Variants in WDR27 observed in about 807,000 individuals in gnomAD.
The protein encoded by WDR27 is WD repeat-containing protein 27.
In WDR27, 100 loss-of-function variants were observed where a neutral mutation model predicts 114.4. The ratio of observed to expected loss-of-function variants is 0.87; its 90% CI spans 0.74 to 1.03. The LOEUF (loss-of-function observed/expected upper bound fraction) is 1.03. Among genes scored for constraint, WDR27 ranks in the 50% least tolerant of loss-of-function variants. The pLI, the probability that WDR27 is intolerant of heterozygous loss-of-function variation, is 0.00. For synonymous variants in WDR27, 449 were observed against 423.1 expected (o/e 1.06, Z -0.75); for missense variants, 1,129 against 1,092.9 (o/e 1.03, Z -0.47).
At chr6:169,482,007 G>C (rs1198493735) in intron 25 of WDR27, among the ~76,000 whole-genome samples, 1 of 152,168 alleles carries the variant, frequency 6.6e-6, no homozygotes, top group African/African-American at 2.4e-5. Flanking sequence ...TATGTGCCAT[G>C]AGTTCTCATC....
the WDR27 span, among the ~76,000 whole-genome samples, chr6:169,433,075 G>GT: frequency 6.6e-6 from 1 of 152,068 alleles, no homozygotes; most frequent in East Asian, 1.9e-4. Flanking sequence ...TATGTTTTTT[G>GT]TTTTTTTGTT....
rs145362350 is a variant in WDR27, at chr6:169,503,045, G to A, written c.2646-45411C>T. On this transcript the variant is annotated intron_variant, in intron 25 of 25. Transcript: ENST00000448612. ...ACCATCACATTTCATGAGACTCTGC[G>A]GAGTACATGGACCACAAGACATCTG... Among the ~76,000 whole-genome samples, 684 of 152,238 alleles carry A rather than the reference G, an allele frequency of 4.5e-3. 3 individuals are homozygous for A. The highest frequency in any genetic ancestry group is 7.9e-3 in the Non-Finnish European group (535 of 68,022).
intron 25 of WDR27, among the ~76,000 whole-genome samples, chr6:169,519,482 T>C (rs2128061744): frequency 6.6e-6 from 1 of 152,248 alleles, no homozygotes; most frequent in Non-Finnish European, 1.5e-5. Flanking sequence ...AAGCAGGAGC[T>C]GGCACATTAT....
In WDR27 at chr6:169,548,777, G is replaced by A. The variant is rs894311091; in HGVS notation, c.2645+23642C>T. Among the ~76,000 whole-genome samples, 15 of 152,098 alleles carry A rather than the reference G, an allele frequency of 9.9e-5. 1 individual carries two copies. Among genetic ancestry groups the A allele is most frequent in the African/African-American group, 3.1e-4 (13 of 41,416 alleles). Reference sequence around the variant, plus strand: ...ATACAGCCAACAGATCTTTGACAGAGGAGCAAAGACAATACAATGAAGAAA... The same window carrying A: ...ATACAGCCAACAGATCTTTGACAGAAGAGCAAAGACAATACAATGAAGAAA... On this transcript the variant is annotated intron_variant, in intron 25 of 25. Transcript: ENST00000448612.
intron 25 of WDR27, among the ~76,000 whole-genome samples, chr6:169,562,191 AACACG>A (rs1406939575): frequency 6.6e-6 from 1 of 152,200 alleles, no homozygotes; most frequent in African/African-American, 2.4e-5. Flanking sequence ...ACACCTAACC[AACACG>A]ACACGTTTCT....
intron 2 of WDR27, among the ~76,000 whole-genome samples, chr6:169,677,510 A>G (rs1780371425): frequency 6.6e-6 from 1 of 152,262 alleles, no homozygotes; most frequent in Non-Finnish European, 1.5e-5. Flanking sequence ...AGGAAAGCAG[A>G]GCATAAAAGT....
At chr6:169,480,297 G>A (rs963130632) in intron 25 of WDR27, among the ~76,000 whole-genome samples, 3 of 152,204 alleles carry the variant, frequency 2.0e-5, no homozygotes, top group African/African-American at 7.2e-5. Flanking sequence ...GGGACCTGCA[G>A]CCTGACATGC....
At chr6:169,681,162 A>C (rs1781427220) in intron 2 of WDR27, among the ~76,000 whole-genome samples, 1 of 152,244 alleles carries the variant, frequency 6.6e-6, no homozygotes, top group Non-Finnish European at 1.5e-5. Flanking sequence ...GAATGCATAA[A>C]GTATAGTATA....
At position 169,668,154 on chromosome 6, in the gene WDR27, G is replaced by C. The variant is rs767634574; in HGVS notation, c.488C>G (p.Pro163Arg). The C allele has an allele frequency of 1.2e-6, 2 of 1,613,972 alleles. No individual in the cohort carries two copies. The highest frequency in any genetic ancestry group is 8.5e-7 in the Non-Finnish European group (1 of 1,179,888). Residue 163 changes from proline to arginine, a missense_variant, in exon 5 of 26, where the codon CCT becomes CGT. Pro to Arg is a moderately radical substitution (Grantham distance 103). Transcript: ENST00000448612. ...GACTTTGTGGCGGTTATTAACATCA[G>C]GACGTTCTATGTATGTCACAGAAAA... ...QRFSVTYIERPDVNNRHKVPP... is the reference protein window; with the variant it reads ...QRFSVTYIERRDVNNRHKVPP...
At chr6:169,448,967 TTATCA>T in the WDR27 span, among the ~76,000 whole-genome samples, 1 of 152,240 alleles carries the variant, frequency 6.6e-6, no homozygotes, top group Non-Finnish European at 1.5e-5. Context: ...TTCTGTTTCC[TTATCA>T]TATCACAGCC....
intron 21 of WDR27, among the ~76,000 whole-genome samples, 176 bp downstream of exon 21, chr6:169,632,771 T>C (rs1250873065): frequency 6.6e-6 from 1 of 152,228 alleles, no homozygotes; most frequent in Non-Finnish European, 1.5e-5. Flanking sequence ...TTCAACATGA[T>C]ATTAAAATAT....
chr6:169,646,981 C>A (rs753653729), intron 16 of WDR27, among the ~76,000 whole-genome samples: 2 of 152,188 alleles, frequency 1.3e-5, no homozygotes, highest in Non-Finnish European at 2.9e-5. Context: ...GGCGACTCAA[C>A]CCTCTGGACA....
At chr6:169,608,289 A>G (rs557599429) in intron 22 of WDR27, among the ~76,000 whole-genome samples, 28 of 152,350 alleles carry the variant, frequency 1.8e-4, no homozygotes, top group African/African-American at 5.8e-4. Flanking sequence ...TGTTTATTGC[A>G]GTACAATTCA....
At chr6:169,663,418 G>C (rs1427092715) in intron 8 of WDR27, 5 of 152,074 alleles carry the variant, frequency 3.3e-5, no homozygotes, top group Non-Finnish European at 7.3e-5. Context: ...TGTAGGCTGT[G>C]AGCCCAGAGA....
chr6:169,469,928 T>G (rs1231434149), intron 25 of WDR27, among the ~76,000 whole-genome samples: 1 of 152,204 alleles, frequency 6.6e-6, no homozygotes, highest in African/African-American at 2.4e-5. Flanking sequence ...AGAACAAGCT[T>G]TCCTATTTTT....
intron 1 of WDR27, among the ~76,000 whole-genome samples, chr6:169,698,420 A>G (rs1003443114): frequency 7.2e-5 from 11 of 152,174 alleles, no homozygotes; most frequent in African/African-American, 2.7e-4. Flanking sequence ...ACACACACAC[A>G]CATACACACA....
chr6:169,488,304 G>A (rs1199162491), intron 25 of WDR27, among the ~76,000 whole-genome samples: 1 of 152,176 alleles, frequency 6.6e-6, no homozygotes, highest in Non-Finnish European at 1.5e-5. Context: ...TGTGTGCTTT[G>A]CAGATCTCCA....
chr6:169,471,513 T>C (rs1167340921), intron 25 of WDR27, among the ~76,000 whole-genome samples: 1 of 152,164 alleles, frequency 6.6e-6, no homozygotes, highest in East Asian at 1.9e-4. Context: ...TAAAGTTATT[T>C]CCATTCTAAA....
chr6:169,470,173 C>A (rs985429032), intron 25 of WDR27, among the ~76,000 whole-genome samples: 1 of 152,216 alleles, frequency 6.6e-6, no homozygotes, highest in Non-Finnish European at 1.5e-5. Flanking sequence ...ATTTTCACTT[C>A]CATTTGAGAC....
Sources: gnomAD v4.1 joint callset for allele counts (sites outside exome capture counted in the v4.1 genomes callset) on GRCh38, gnomAD v4.1.1 for gene constraint, MANE v1.5 for transcripts, NCBI Gene and HGNC (gene_info 2026-07-23, HGNC 2026-07-21) for gene names.